Variants in SBSN observed in about 807,000 individuals in gnomAD.
SBSN encodes the protein suprabasin, also known as HLAR698.
Under a neutral mutation model 42.8 loss-of-function variants are expected in SBSN, and 33 were observed. The ratio of observed to expected loss-of-function variants is 0.77; its 90% CI spans 0.58 to 1.03. SBSN has a LOEUF of 1.03. Ranked by LOEUF, SBSN falls within the 50% of genes least tolerant of loss-of-function variation. The pLI is 0.00. For synonymous variants in SBSN, 276 were observed against 307.0 expected, an observed-to-expected ratio of 0.90 and a Z score of 1.06; for missense variants, 646 against 757.3, an observed-to-expected ratio of 0.85 and a Z score of 1.72.
intron 1 of SBSN, among the ~76,000 whole-genome samples, chr19:35,525,193 G>A (rs1188094243): frequency 2.0e-5 from 3 of 152,166 alleles, no homozygotes; most frequent in African/African-American, 7.2e-5. Flanking sequence ...GGTGGAAAGG[G>A]AAGGTAGAGG....
chr19:35,525,668 C>T (rs2071362301), intron 1 of SBSN, among the ~76,000 whole-genome samples: 1 of 151,998 alleles, frequency 6.6e-6, no homozygotes, highest in Non-Finnish European at 1.5e-5. Flanking sequence ...TCTCTGTTCC[C>T]TCTACATATT....
chr19:35,524,373 G>T (rs2071344378), intron 3 of SBSN, among the ~76,000 whole-genome samples: 1 of 101,616 alleles, frequency 9.8e-6, no homozygotes, highest in Non-Finnish European at 2.1e-5. Flanking sequence ...CAGCAAATGG[G>T]AATCGAGGAA....
At position 35,523,466 on chromosome 19, in the gene SBSN, G is replaced by A. The variant is rs2071334124; in HGVS notation, c.*44C>T. 1.0e-5 allele frequency: 16 copies of A among 1,605,380 alleles called. No homozygotes were observed. The highest frequency in any genetic ancestry group is 1.4e-5 in the Non-Finnish European group (16 of 1,172,150). ...ACCCCTCCAGGTCATGTCAGCTGAT[G>A]TGACAACGGCGACATTATTCTCCCA... On this transcript the variant is annotated 3_prime_UTR_variant, in exon 4 of 4. Transcript: ENST00000452271.
chr19:35,524,843 C>G lies in SBSN; in HGVS notation c.1704+16G>C. 6.2e-7 allele frequency: 1 copy of G among 1,614,018 alleles called. No homozygotes were observed. The highest frequency in any genetic ancestry group is 8.5e-7 in the Non-Finnish European group (1 of 1,179,944). ...CCCAGGGGCCTCCTCTCCCCTACCC[C>G]AGAGTCCGCGCTTACCCCAGAGGCT... On this transcript the variant is annotated intron_variant, in intron 2 of 3. Coordinates refer to ENST00000452271, the MANE Select transcript of SBSN (RefSeq NM_001166034.2).
Position 35,526,688 on chromosome 19 carries a change from T to G in SBSN, c.1594A>C (p.Asn532His). The change falls in exon 1 of 4, where the codon AAT becomes CAT. Residue 532 changes from asparagine to histidine, a missense_variant. Asn to His is a moderately conservative substitution (Grantham distance 68, BLOSUM62 1). Coordinates refer to ENST00000452271, the MANE Select transcript of SBSN (RefSeq NM_001166034.2). ...QAGKELQNAH[N>H]GVNQASKEAN... ...TCCTTGCTGGCTTGGTTGACCCCAT[T>G]ATGAGCATTCTGCAGCTCCTTCCCG... 6.5e-7 allele frequency: 1 copy of G among 1,539,798 alleles called. No homozygotes were observed. Among genetic ancestry groups the G allele is most frequent in the Non-Finnish European group, 8.8e-7 (1 of 1,133,194 alleles).
rs937549343 is a variant in SBSN at position 35,524,748 on chromosome 19, A to G, written c.1712T>C (p.Val571Ala). The G allele has an allele frequency of 4.3e-6, 7 of 1,613,814 alleles. No individual in the cohort carries two copies. In the African/African-American group the frequency reaches 9.4e-5, roughly 22 times the overall value. ...GGGAAGGTTGATGAAAGGCGTGTTG[A>G]CCGAGGCCTGCAATTCAAGGACAAG... ...TTTPLASGAS[V>A]NTPFINLPAL... Residue 571 changes from valine (V) to alanine (A), a missense_variant, in exon 3 of 4, where the codon GTC becomes GCC. This residue lies in a region of SBSN where 236 missense variants were observed against 225.6 expected (regional missense o/e 1.05). Transcript: ENST00000452271.
chr19:35,527,315 C>A lies in SBSN; in HGVS notation c.967G>T (p.Gly323Trp). 2 of 1,525,726 alleles carry A rather than the reference C, an allele frequency of 1.3e-6. No homozygotes were observed. Among genetic ancestry groups the A allele is most frequent in the Non-Finnish European group, 1.7e-6 (2 of 1,143,736 alleles). 94.5% of individuals were successfully genotyped at this position (1,525,726 alleles called of 1,614,324 possible). The change falls in exon 1 of 4, where the codon GGG becomes TGG. Residue 323 changes from glycine (G) to tryptophan (W), a missense_variant. Gly to Trp is a radical substitution (Grantham distance 184, BLOSUM62 -2). Transcript: ENST00000452271. ...RFGQGAHHAA[G>W]QAGNEAGRFG... ...CTCCCAGCCTCATTTCCGGCCTGCCCCGCAGCATGGTGGGCCCCCTGGCCA... is the reference window on the plus strand; with the variant it reads ...CTCCCAGCCTCATTTCCGGCCTGCCACGCAGCATGGTGGGCCCCCTGGCCA...
rs527603823 is a variant in SBSN, at chr19:35,524,730, T to C, written c.1730A>G (p.Asn577Ser). The C allele has an allele frequency of 1.2e-6, 2 of 1,613,784 alleles. No individual in the cohort carries two copies. The highest frequency in any genetic ancestry group is 1.7e-5 in the Admixed American group (1 of 59,992). ...SGASVNTPFI[N>S]LPALWRSVAN... Reference sequence around the variant, plus strand: ...ACTCACCCTCCACAGGGCGGGAAGGTTGATGAAAGGCGTGTTGACCGAGGC... The same window carrying C: ...ACTCACCCTCCACAGGGCGGGAAGGCTGATGAAAGGCGTGTTGACCGAGGC... The change falls in exon 3 of 4, where the codon AAC becomes AGC. Residue 577 changes from asparagine (N) to serine (S), a missense_variant. This residue lies in a region of SBSN where 236 missense variants were observed against 225.6 expected (regional missense o/e 1.05). Transcript: ENST00000452271.
intron 1 of SBSN, 50 bp downstream of exon 1, chr19:35,526,594 T>TCC: frequency 7.3e-6 from 6 of 817,460 alleles, no homozygotes; most frequent in South Asian, 1.7e-5. Flanking sequence ...GTTTAACCTT[T>TCC]CCCTCCCCCA....
At position 35,528,081 on chromosome 19, in the gene SBSN, C is replaced by T; in HGVS notation, c.201G>A (p.Lys67=). ...GITHAGREVE[K]VFNGLSNMGS... Reference sequence around the variant, plus strand: ...CCATGTTGCTAAGTCCGTTGAAAACCTTCTCCACTTCCCTTCCGGCATGCG... The same window carrying T: ...CCATGTTGCTAAGTCCGTTGAAAACTTTCTCCACTTCCCTTCCGGCATGCG... The change falls in exon 1 of 4, where the codon AAG becomes AAA. Residue 67 remains lysine (K), a synonymous_variant. Coordinates refer to ENST00000452271, the MANE Select transcript of SBSN (RefSeq NM_001166034.2). 2 of 1,614,048 alleles carry T rather than the reference C, an allele frequency of 1.2e-6. No individual in the cohort carries two copies. Among genetic ancestry groups the T allele is most frequent in the Non-Finnish European group, 8.5e-7 (1 of 1,180,026 alleles).
chr19:35,527,567 C>T lies in SBSN; in HGVS notation c.715G>A (p.Ala239Thr), dbSNP rs1379998656. 17 of 1,523,452 alleles carry T rather than the reference C, an allele frequency of 1.1e-5. No individual in the cohort carries two copies. Among genetic ancestry groups the T allele is most frequent in the Non-Finnish European group, 1.5e-5 (17 of 1,144,576 alleles). 94.4% of individuals were successfully genotyped at this position (1,523,452 alleles called of 1,614,324 possible). A position where few individuals can be genotyped will look rare whatever the true frequency, so the allele number is the denominator to read the frequency against. ...TGGGCCCCCTGGCCAAACTTCTCTG[C>T]CTCCTTCCCAACCTGACCGGCAGCA... ...HHAAGQVGKE[A>T]EKFGQGAHHA... is the part of the protein sequence containing the mutation. Residue 239 changes from alanine (A) to threonine (T), a missense_variant, in exon 1 of 4, where the codon GCA becomes ACA. Physicochemically the swap from Ala to Thr is moderately conservative, Grantham distance 58. Around this residue, in one of 3 missense-constraint regions of SBSN, gnomAD observed 220 missense variants for 334.5 expected, o/e 0.66. Coordinates refer to ENST00000452271, the MANE Select transcript of SBSN (RefSeq NM_001166034.2).
chr19:35,524,898 G>T lies in SBSN; in HGVS notation c.1665C>A (p.Ser555Arg). The change falls in exon 2 of 4, where the codon AGC becomes AGA. Residue 555 changes from serine to arginine, a missense_variant. By Grantham distance (110) the Ser-to-Arg change is moderately radical. This residue lies in a region of SBSN where 236 missense variants were observed against 225.6 expected (regional missense o/e 1.05). Transcript: ENST00000452271. Reference sequence around the variant, plus strand: ...GCGTGGTTGTGGCCCCTCCTTGATGGCTGGAAGATCCGCTTTGATGGTTGC... The same window carrying T: ...GCGTGGTTGTGGCCCCTCCTTGATGTCTGGAAGATCCGCTTTGATGGTTGC... ...LNGNHQSGSS[S>R]HQGGATTTPL... 7 of 1,614,062 alleles carry T rather than the reference G, an allele frequency of 4.3e-6. No homozygotes were observed. The highest frequency in any genetic ancestry group is 5.9e-6 in the Non-Finnish European group (7 of 1,179,994).
intron 1 of SBSN, among the ~76,000 whole-genome samples, chr19:35,525,513 G>T (rs559026220): frequency 1.5e-5 from 2 of 132,334 alleles, no homozygotes; most frequent in Non-Finnish European, 1.6e-5. Flanking sequence ...GGACTTCGAC[G>T]TCTGAGCCAG....
Position 35,523,444 on chromosome 19 carries a change from C to T in SBSN, c.*66G>A. ...AGAAACCTGTCCCCCACCCCCAACC[C>T]CTCCAGGTCATGTCAGCTGATGTGA... On this transcript the variant is annotated 3_prime_UTR_variant, in exon 4 of 4. Coordinates refer to ENST00000452271, the MANE Select transcript of SBSN (RefSeq NM_001166034.2). The T allele has an allele frequency of 6.5e-7, 1 of 1,545,366 alleles. No individual in the cohort carries two copies. Among genetic ancestry groups the T allele is most frequent in the Non-Finnish European group, 8.9e-7 (1 of 1,117,676 alleles).
intron 1 of SBSN, among the ~76,000 whole-genome samples, 188 bp from the exon 2 acceptor site, chr19:35,525,112 T>A (rs2071355789): frequency 6.6e-6 from 1 of 152,200 alleles, no homozygotes; most frequent in Admixed American, 6.5e-5. Context: ...TTCTGCCTCC[T>A]GCTGCCTTTT....
chr19:35,524,651 G>A (rs1287234287), intron 3 of SBSN, 60 bp downstream of exon 3: 3 of 1,581,924 alleles, frequency 1.9e-6, no homozygotes, highest in Non-Finnish European at 2.6e-6. Context: ...CCGGGAAGGG[G>A]TCGGGGTGAG....
Position 35,527,836 on chromosome 19 carries a change from G to T in SBSN, c.446C>A (p.Ala149Glu), listed in dbSNP as rs1279884482. 6.2e-7 allele frequency: 1 copy of T among 1,613,840 alleles called. No individual in the cohort carries two copies. Among genetic ancestry groups the T allele is most frequent in the Admixed American group, 1.7e-5 (1 of 59,996 alleles). The change falls in exon 1 of 4, where the codon GCA (alanine) becomes GAA (glutamate). Residue 149 changes from alanine (A) to glutamate (E), a missense_variant. Ala to Glu is a moderately radical substitution (Grantham distance 107). Coordinates refer to ENST00000452271, the MANE Select transcript of SBSN (RefSeq NM_001166034.2). ...GTCGACTCCCTGGCCAAACTTCCCT[G>T]CCTCACTTCCCGCCTGGTTGGCCCC... ...HHGANQAGSEAGKFGQGVDNA... is the reference protein window; with the variant it reads ...HHGANQAGSEEGKFGQGVDNA...
intron 1 of SBSN, 31 bp downstream of exon 1, chr19:35,526,611 CTG>C: frequency 2.8e-5 from 37 of 1,336,196 alleles, no homozygotes; most frequent in South Asian, 1.2e-4. Context: ...CCCAACCCCC[CTG>C]TCCCCCATCT....
At chr19:35,526,248 AC>A (rs1203439150) in intron 1 of SBSN, among the ~76,000 whole-genome samples, 1 of 151,856 alleles carries the variant, frequency 6.6e-6, no homozygotes, top group Non-Finnish European at 1.5e-5. Flanking sequence ...CCTCATGCTC[AC>A]TCTCCTAACC....
Sources: gnomAD v4.1 joint callset for allele counts (sites outside exome capture counted in the v4.1 genomes callset) on GRCh38, gnomAD v4.1.1 for gene constraint, gnomAD v4.1.1 regional missense constraint, MANE v1.5 for transcripts, NCBI Gene and HGNC (gene_info 2026-07-23, HGNC 2026-07-21) for gene names.